The following SAMD12 variants were observed in gnomAD, a reference collection of about 807,000 sequenced individuals.
SAMD12 encodes sterile alpha motif domain-containing protein 12.
SAMD12 carries 9 observed loss-of-function variants against 15.0 expected under a neutral mutation model. The ratio of observed to expected loss-of-function variants is 0.60; its 90% CI spans 0.36 to 1.05. The LOEUF is 1.05. Among genes scored for constraint, SAMD12 ranks in the 50% least tolerant of loss-of-function variants. The pLI is 0.01. For missense variants in SAMD12, 230 were observed against 234.2 expected (o/e 0.98, Z 0.12); for synonymous variants, 86 against 90.1 (o/e 0.96, Z 0.25).
intron 1 of SAMD12, among the ~76,000 whole-genome samples, chr8:118,608,382 C>T (rs569691569): frequency 4.1e-4 from 62 of 152,042 alleles, no homozygotes; most frequent in African/African-American, 1.2e-3. Flanking sequence ...TTCGTCTTCC[C>T]GTCCCATTTC....
intron 2 of SAMD12, among the ~76,000 whole-genome samples, chr8:118,565,602 T>G (rs575294382): frequency 3.3e-5 from 5 of 152,326 alleles, no homozygotes; most frequent in African/African-American, 1.2e-4. Context: ...ATATCTTTAG[T>G]TGAGATCTCT....
intron 2 of SAMD12, among the ~76,000 whole-genome samples, chr8:118,542,563 C>T (rs7825771): frequency 0.42 from 64,221 of 151,924 alleles, 13,910 homozygotes; most frequent in Non-Finnish European, 0.48. Flanking sequence ...AACATCACTG[C>T]ATAAGAATGT....
At chr8:118,253,639 G>A (rs1238293610) in intron 4 of SAMD12, among the ~76,000 whole-genome samples, 1 of 152,160 alleles carries the variant, frequency 6.6e-6, no homozygotes, top group African/African-American at 2.4e-5. Context: ...GCATGTCAGA[G>A]TGGTGCATTT....
chr8:118,189,382 T>C (rs918004219), downstream of SAMD12: 8 of 152,340 alleles, frequency 5.3e-5, no homozygotes, highest in Non-Finnish European at 1.0e-4. Flanking sequence ...TGCAAGCTGA[T>C]GAGCTGAAGA....
At chr8:118,458,690 A>C (rs1260658435) in intron 2 of SAMD12, among the ~76,000 whole-genome samples, 1 of 152,216 alleles carries the variant, frequency 6.6e-6, no homozygotes, top group African/African-American at 2.4e-5. Flanking sequence ...TTGATTATGA[A>C]GCAGCAAAAA....
At chr8:118,136,180 C>A in the SAMD12 span, among the ~76,000 whole-genome samples, 1 of 152,074 alleles carries the variant, frequency 6.6e-6, no homozygotes, top group African/African-American at 2.4e-5. Context: ...CAGGTGTGTG[C>A]CACCACACCT....
intron 4 of SAMD12, among the ~76,000 whole-genome samples, chr8:118,323,475 A>G (rs1273022717): frequency 6.6e-6 from 1 of 152,140 alleles, no homozygotes; most frequent in African/African-American, 2.4e-5. Context: ...ATTTAAAAAA[A>G]TCTACACCGA....
At chr8:118,521,666 G>T (rs1206165305) in intron 2 of SAMD12, among the ~76,000 whole-genome samples, 1 of 120,504 alleles carries the variant, frequency 8.3e-6, no homozygotes, top group African/African-American at 3.4e-5. Flanking sequence ...CTTCTTCCAA[G>T]ACTGGGCTGT....
chr8:118,432,622 G>C (rs966625531), intron 3 of SAMD12, among the ~76,000 whole-genome samples: 4 of 152,136 alleles, frequency 2.6e-5, no homozygotes, highest in Non-Finnish European at 4.4e-5. Flanking sequence ...CTTATCCTAG[G>C]AACTAGAGAT....
intron 4 of SAMD12, among the ~76,000 whole-genome samples, chr8:118,352,384 C>T (rs938779267): frequency 4.0e-5 from 6 of 151,846 alleles, no homozygotes; most frequent in Non-Finnish European, 8.8e-5. Flanking sequence ...AGAATAAAAC[C>T]GTGAAACAGA....
intron 4 of SAMD12, among the ~76,000 whole-genome samples, chr8:118,265,035 A>G (rs955884810): frequency 3.9e-5 from 6 of 152,154 alleles, no homozygotes; most frequent in African/African-American, 1.2e-4. Flanking sequence ...CATAATGAGA[A>G]CATCCTGGAT....
chr8:118,283,243 C>T (rs1475862544), intron 4 of SAMD12, among the ~76,000 whole-genome samples: 1 of 152,122 alleles, frequency 6.6e-6, no homozygotes, highest in Admixed American at 6.5e-5. Context: ...ATACTGCTTT[C>T]CAGATTCATT....
intron 2 of SAMD12, among the ~76,000 whole-genome samples, chr8:118,521,540 T>C (rs914861626): frequency 4.6e-5 from 7 of 152,206 alleles, no homozygotes; most frequent in Non-Finnish European, 1.0e-4. Flanking sequence ...TCCAGCTGCC[T>C]GCATATTTGA....
chr8:118,288,859 A>G (rs892366327), intron 4 of SAMD12, among the ~76,000 whole-genome samples: 2 of 152,224 alleles, frequency 1.3e-5, no homozygotes, highest in African/African-American at 4.8e-5. Context: ...TACCAGGGGC[A>G]CATATATATG....
chr8:118,279,314 G>A (rs1288306675), intron 4 of SAMD12, among the ~76,000 whole-genome samples: 2 of 151,826 alleles, frequency 1.3e-5, no homozygotes, highest in African/African-American at 2.4e-5. Context: ...CTTTCTACTG[G>A]TCAGGAAAGT....
chr8:118,429,123 A>AC (rs35722801), intron 3 of SAMD12, among the ~76,000 whole-genome samples: 81,529 of 151,982 alleles, frequency 0.54, 24,270 homozygotes, highest in Non-Finnish European at 0.65. Context: ...GCAATGTTTT[A>AC]CAGTTTTCTG....
At chr8:118,268,451 G>T (rs1259509815) in intron 4 of SAMD12, among the ~76,000 whole-genome samples, 1 of 152,102 alleles carries the variant, frequency 6.6e-6, no homozygotes, top group Non-Finnish European at 1.5e-5. Context: ...AATTTGTTTG[G>T]TTTTTAAATA....
At chr8:118,185,457 C>T (rs1819227706), downstream of SAMD12, among the ~76,000 whole-genome samples, 1 of 152,172 alleles carries the variant, frequency 6.6e-6, no homozygotes, top group Non-Finnish European at 1.5e-5. Context: ...CATAGCTTAG[C>T]TCCCACTTAT....
At chr8:118,322,006 T>G (rs1396556255) in intron 4 of SAMD12, among the ~76,000 whole-genome samples, 1 of 152,184 alleles carries the variant, frequency 6.6e-6, no homozygotes, top group Non-Finnish European at 1.5e-5. Context: ...CAAATTGTCT[T>G]GCAATCTGGA....
Sources: allele counts gnomAD v4.1 joint callset (sites outside exome capture counted in the v4.1 genomes callset), GRCh38; gene constraint gnomAD v4.1.1; transcripts MANE v1.5; gene names NCBI Gene and HGNC (gene_info 2026-07-23, HGNC 2026-07-21).